LUZP2: variants seen among roughly 807,000 people sequenced by gnomAD.
LUZP2 encodes leucine zipper protein 2.
LUZP2 carries 52 observed loss-of-function variants against 51.6 expected under a neutral mutation model. The observed-to-expected ratio is 1.01, with a 90% CI of 0.81 to 1.27. The LOEUF (loss-of-function observed/expected upper bound fraction) is 1.27, where lower values mean the gene tolerates loss of function less well. Ranked by LOEUF, LUZP2 falls within the 50% of genes most tolerant of loss-of-function variation. The pLI, the probability that LUZP2 is intolerant of heterozygous loss-of-function variation, is 0.00. For missense variants in LUZP2, 436 were observed against 395.4 expected, an observed-to-expected ratio of 1.10 and a Z score of -0.87; for synonymous variants, 154 against 137.3, an observed-to-expected ratio of 1.12 and a Z score of -0.85.
intron 7 of LUZP2, among the ~76,000 whole-genome samples, chr11:24,960,082 G>A (rs1299894384): frequency 6.6e-6 from 1 of 152,104 alleles, no homozygotes; most frequent in Non-Finnish European, 1.5e-5. Flanking sequence ...AACCAGCCTT[G>A]CATCCCAGGG....
chr11:24,800,180 A>G (rs940396943), intron 5 of LUZP2, among the ~76,000 whole-genome samples: 7 of 151,896 alleles, frequency 4.6e-5, no homozygotes, highest in Non-Finnish European at 8.8e-5. Context: ...CTTATCCTAC[A>G]CACGCTCCAT....
At chr11:24,774,377 T>C (rs1467886072) in intron 5 of LUZP2, among the ~76,000 whole-genome samples, 10 of 112,442 alleles carry the variant, frequency 8.9e-5, no homozygotes, top group African/African-American at 3.7e-4. Flanking sequence ...TATATATATA[T>C]ATATACATAC....
chr11:24,563,933 C>A (rs368858599), intron 1 of LUZP2, among the ~76,000 whole-genome samples: 1 of 151,944 alleles, frequency 6.6e-6, no homozygotes, highest in African/African-American at 2.4e-5. Context: ...ATATCTTAGT[C>A]TCAAGTCAAC....
intron 9 of LUZP2, among the ~76,000 whole-genome samples, chr11:25,027,653 C>G (rs907534928): frequency 6.6e-6 from 1 of 151,934 alleles, no homozygotes; most frequent in South Asian, 2.1e-4. Flanking sequence ...AGGTGGATCA[C>G]GAAGTCAGGA....
chr11:24,884,698 C>A (rs985897674), intron 5 of LUZP2, among the ~76,000 whole-genome samples: 4 of 151,954 alleles, frequency 2.6e-5, no homozygotes, highest in African/African-American at 9.7e-5. Flanking sequence ...AACTTTTCCC[C>A]CTCTTGCCAT....
At chr11:24,966,081 C>A (rs904094147) in intron 7 of LUZP2, among the ~76,000 whole-genome samples, 2 of 151,688 alleles carry the variant, frequency 1.3e-5, no homozygotes, top group Non-Finnish European at 3.0e-5. Flanking sequence ...GTTTTACTTG[C>A]TTTATCTGAT....
intron 1 of LUZP2, among the ~76,000 whole-genome samples, chr11:24,614,391 C>T (rs1238254178): frequency 6.6e-6 from 1 of 151,938 alleles, no homozygotes; most frequent in Non-Finnish European, 1.5e-5. Context: ...CACTCTTGAG[C>T]CACGTATAAT....
At chr11:24,647,707 C>A (rs1855505105) in intron 1 of LUZP2, among the ~76,000 whole-genome samples, 1 of 151,928 alleles carries the variant, frequency 6.6e-6, no homozygotes, top group Non-Finnish European at 1.5e-5. Context: ...TTTAGTTTAT[C>A]TCAAGGTTGA....
rs58483878 is a variant in LUZP2, at chr11:24,991,396, G to GTA, written c.765+8125_765+8126dup. 5.8e-3 allele frequency among the ~76,000 whole-genome samples: 725 copies of GTA among 124,944 alleles called. 9 individuals carry two copies. The highest frequency in any genetic ancestry group is 0.019 in the African/African-American group (675 of 35,978). The allele number at this position is 124,944 out of a possible 152,430, so 82.0% of individuals were successfully genotyped here. ...TATATATGTGTGTGTGTGTGTGTGT[G>GTA]TATATATATATATATATATATATTC... On this transcript the variant is annotated intron_variant, in intron 9 of 11. Coordinates refer to ENST00000336930, the MANE Select transcript of LUZP2 (RefSeq NM_001009909.4).
chr11:24,744,753 G>A (rs1859314561), intron 4 of LUZP2, among the ~76,000 whole-genome samples: 2 of 151,912 alleles, frequency 1.3e-5, no homozygotes, highest in African/African-American at 4.8e-5. Flanking sequence ...TTCTGGGTTT[G>A]GGTTTGGTTT....
chr11:24,914,505 G>T lies in LUZP2; in HGVS notation c.489G>T (p.Glu163Asp), dbSNP rs776960293. ...AAAAAATCCAAGCCCAGCTGAAGGA[G>T]CTTCGTTATGGGAAGAAGGATTTAT... ...ESKKIQAQLK[E>D]LRYGKKDLLF... Residue 163 changes from glutamate to aspartate, a missense_variant, in exon 7 of 12, where the codon GAG becomes GAT. Transcript: ENST00000336930. The T allele has an allele frequency of 8.7e-6, 14 of 1,609,866 alleles. No homozygotes were observed. Among genetic ancestry groups the T allele is most frequent in the South Asian group, 1.1e-5 (1 of 90,138 alleles).
chr11:24,503,918 A>G (rs1249038026), intron 1 of LUZP2, among the ~76,000 whole-genome samples: 2 of 152,172 alleles, frequency 1.3e-5, no homozygotes, highest in Non-Finnish European at 2.9e-5. Flanking sequence ...TCATAGAACA[A>G]CAGGCCGTAA....
rs568154074 is a variant in LUZP2 at position 25,049,322 on chromosome 11, C to T, written c.766-716C>T. Among the ~76,000 whole-genome samples the T allele has an allele frequency of 2.6e-5, 4 of 152,300 alleles. No homozygotes were observed. In the South Asian group the frequency reaches 8.3e-4, roughly 32 times the overall value. On this transcript the variant is annotated intron_variant, in intron 9 of 11. Transcript: ENST00000336930. ...AGGAGCTGAGTGAAACACCAATATT[C>T]AAATTAGCTCTTCCCAAGAAACACA...
intron 9 of LUZP2, among the ~76,000 whole-genome samples, chr11:25,035,222 A>C (rs7941082): frequency 0.47 from 71,759 of 151,802 alleles, 17,453 homozygotes; most frequent in Non-Finnish European, 0.51. Flanking sequence ...AAGATATCCA[A>C]ATAGAAAGAG....
chr11:24,875,335 G>A (rs1417166254), intron 5 of LUZP2, among the ~76,000 whole-genome samples: 1 of 149,620 alleles, frequency 6.7e-6, no homozygotes, highest in Non-Finnish European at 1.5e-5. Context: ...TCCCACCTAT[G>A]AGTGAGAAGA....
intron 4 of LUZP2, among the ~76,000 whole-genome samples, chr11:24,738,976 T>C (rs1282000713): frequency 6.6e-6 from 1 of 152,080 alleles, no homozygotes; most frequent in East Asian, 1.9e-4. Flanking sequence ...ACCTTATATC[T>C]TGTTTTCAAG....
intron 7 of LUZP2, among the ~76,000 whole-genome samples, chr11:24,931,201 C>T (rs1854437687): frequency 6.7e-6 from 1 of 148,284 alleles, no homozygotes; most frequent in African/African-American, 2.5e-5. Context: ...CAGAGTGAGA[C>T]TCTGTCTCAA....
At chr11:24,693,788 T>C (rs2133894050) in intron 1 of LUZP2, among the ~76,000 whole-genome samples, 1 of 152,074 alleles carries the variant, frequency 6.6e-6, no homozygotes, top group South Asian at 2.1e-4. Context: ...ATGAATACAT[T>C]TAAAAGCTGA....
At chr11:24,773,893 G>A (rs1216844312) in intron 5 of LUZP2, among the ~76,000 whole-genome samples, 2 of 152,088 alleles carry the variant, frequency 1.3e-5, no homozygotes, top group African/African-American at 4.8e-5. Context: ...TAACCACAAA[G>A]CCACATGTAG....
Sources: gnomAD v4.1 joint callset for allele counts (sites outside exome capture counted in the v4.1 genomes callset) on GRCh38, gnomAD v4.1.1 for gene constraint, MANE v1.5 for transcripts, NCBI Gene and HGNC (gene_info 2026-07-23, HGNC 2026-07-21) for gene names.